The following SPATA22 variants were observed in gnomAD, a reference collection of about 807,000 sequenced individuals.
SPATA22 encodes the protein spermatogenesis associated 22.
In SPATA22, 29 loss-of-function variants were observed where a neutral mutation model predicts 47.8. The observed-to-expected ratio is 0.61, with a 90% CI of 0.45 to 0.83. The LOEUF (loss-of-function observed/expected upper bound fraction) is 0.83, where lower values mean the gene tolerates loss of function less well. SPATA22 is among the 40% of genes least tolerant of loss of function. The pLI, the probability that SPATA22 is intolerant of heterozygous loss-of-function variation, is 0.00. For missense variants in SPATA22, 410 were observed against 421.7 expected (o/e 0.97, Z 0.24); for synonymous variants, 133 against 140.9 (o/e 0.94, Z 0.40).
chr17:3,501,083 A>G (rs930108306), intron 1 of SPATA22: 2 of 152,192 alleles, frequency 1.3e-5, no homozygotes, highest in African/African-American at 4.8e-5. Context: ...GCCGAAGCCC[A>G]TGGATCAAGG....
chr17:3,459,651 G>A (rs865983034), intron 5 of SPATA22, among the ~76,000 whole-genome samples: 10 of 152,076 alleles, frequency 6.6e-5, no homozygotes, highest in Middle Eastern at 3.2e-3. Flanking sequence ...CAAGTGATCC[G>A]CCCGCCTCCG....
rs574538165 is a variant in SPATA22 at position 3,490,854 on chromosome 17, C to G, written c.-73-21456G>C. ...GTGGAGAAAAGCAGTTCCTGGAACA[C>G]CCCACCCCTTAACCCCTTATCTCTG... On this transcript the variant is annotated intron_variant, in intron 1 of 8. Transcript: ENST00000541913. The surrounding 1 kb of genome is among the most constrained non-coding windows in gnomAD (Gnocchi z 4.6). Among the ~76,000 whole-genome samples the G allele has an allele frequency of 5.3e-5, 8 of 152,242 alleles. No individual in the cohort carries two copies. The highest frequency in any genetic ancestry group is 1.2e-4 in the Non-Finnish European group (8 of 68,008).
chr17:3,470,413 C>G (rs539964229), intron 1 of SPATA22, among the ~76,000 whole-genome samples: 2 of 152,272 alleles, frequency 1.3e-5, no homozygotes, highest in South Asian at 4.1e-4. Context: ...TAATGCAAGT[C>G]AGGCCGAGGT....
At chr17:3,476,123 C>G (rs1456070872), upstream of SPATA22, 8 of 1,578,814 alleles carry the variant, frequency 5.1e-6, no homozygotes, top group African/African-American at 2.7e-5. Context: ...GATCTCTCTT[C>G]TGAATTGCAG....
chr17:3,512,620 G>A (rs1192610626), intron 1 of SPATA22: 2 of 151,968 alleles, frequency 1.3e-5, no homozygotes, highest in Non-Finnish European at 2.9e-5. Flanking sequence ...GCGGCAGAGT[G>A]GATTTTCTGG....
intron 1 of SPATA22, chr17:3,501,073 G>A (rs764139412): frequency 2.6e-5 from 4 of 152,180 alleles, no homozygotes; most frequent in Non-Finnish European, 5.9e-5. Context: ...ACGACATCCA[G>A]CCGAAGCCCA....
At chr17:3,474,569 A>C (rs1217014957), upstream of SPATA22, among the ~76,000 whole-genome samples, 2 of 152,354 alleles carry the variant, frequency 1.3e-5, no homozygotes, top group East Asian at 3.9e-4. Context: ...CAGACAGTCA[A>C]AGCCTACAGG....
chr17:3,487,935 A>C, intron 1 of SPATA22, among the ~76,000 whole-genome samples: 1 of 152,252 alleles, frequency 6.6e-6, no homozygotes. Context: ...ATTTATGCAC[A>C]GATGCATACC....
intron 5 of SPATA22, among the ~76,000 whole-genome samples, chr17:3,454,302 T>G (rs189885262): frequency 6.6e-6 from 1 of 151,182 alleles, no homozygotes. Flanking sequence ...TTATTTATTT[T>G]TATTATTATT....
upstream of SPATA22, among the ~76,000 whole-genome samples, chr17:3,473,352 G>A (rs1366206639): frequency 2.0e-5 from 3 of 152,104 alleles, no homozygotes. Context: ...GACATCTTAT[G>A]TATAATATTT....
chr17:3,464,369 G>A (rs1251042460), intron 3 of SPATA22, among the ~76,000 whole-genome samples: 4 of 151,068 alleles, frequency 2.6e-5, no homozygotes, highest in Non-Finnish European at 5.9e-5. Flanking sequence ...GCCTCCCAAA[G>A]TGCCCAGAGT....
intron 1 of SPATA22, among the ~76,000 whole-genome samples, chr17:3,494,687 G>A (rs1243173033): frequency 6.6e-6 from 1 of 152,126 alleles, no homozygotes; most frequent in Non-Finnish European, 1.5e-5. Flanking sequence ...ACGCTCAATG[G>A]AATTTATAGT....
intron 3 of SPATA22, among the ~76,000 whole-genome samples, chr17:3,464,463 C>T (rs2073223740): frequency 1.4e-5 from 2 of 139,640 alleles, no homozygotes; most frequent in Admixed American, 7.1e-5. Flanking sequence ...GTGAGGAGCC[C>T]CTCTGCCTGG....
In SPATA22 at chr17:3,513,015, A is replaced by C. The variant is rs7209047; in HGVS notation, c.-74+397T>G. The C allele has an allele frequency of 0.41, 62,845 of 151,954 alleles. 13,221 individuals carry two copies. Among genetic ancestry groups the C allele is most frequent in the African/African-American group, 0.47 (19,331 of 41,396 alleles). The allele number at this position is 151,954 out of a possible 1,614,324, so 9.4% of individuals were successfully genotyped here. The stretch of plus-strand genomic sequence containing the variant: ...GGTCAGGACGAGGAAAAGAGCCAGG[A>C]CCTTTCACCCAGATCGCGGCGGCCC... On this transcript the variant is annotated intron_variant, in intron 1 of 8. Coordinates refer to the SPATA22 transcript ENST00000541913.
chr17:3,481,959 G>C (rs1231492691), intron 1 of SPATA22, among the ~76,000 whole-genome samples: 1 of 152,044 alleles, frequency 6.6e-6, no homozygotes, highest in Non-Finnish European at 1.5e-5. Context: ...GGTGCTACCA[G>C]AACACAGAGG....
chr17:3,452,597 A>G (rs954510638), intron 5 of SPATA22, among the ~76,000 whole-genome samples: 2 of 152,076 alleles, frequency 1.3e-5, no homozygotes, highest in African/African-American at 4.8e-5. Context: ...CTCAAAAAGA[A>G]AAAAAAAGAA....
chr17:3,468,907 T>C (rs1008996892), intron 2 of SPATA22: 7 of 934,870 alleles, frequency 7.5e-6, no homozygotes, highest in Non-Finnish European at 9.0e-6. Context: ...ACTAATAAAT[T>C]GGGAAAGCAA....
chr17:3,445,543 T>C (rs1183641747), intron 7 of SPATA22, among the ~76,000 whole-genome samples: 1 of 152,148 alleles, frequency 6.6e-6, no homozygotes, highest in Admixed American at 6.6e-5. Context: ...CATGGACTTC[T>C]GATCTACAAA....
At chr17:3,466,250 AT>A (rs2150730819) in intron 3 of SPATA22, among the ~76,000 whole-genome samples, 1 of 151,492 alleles carries the variant, frequency 6.6e-6, no homozygotes, top group African/African-American at 2.4e-5. Flanking sequence ...GATCCTATTA[AT>A]TTTTAAAATG....
Sources: allele counts gnomAD v4.1 joint callset (sites outside exome capture counted in the v4.1 genomes callset), GRCh38; gene constraint gnomAD v4.1.1; non-coding constraint Gnocchi (gnomAD v3.1); transcripts MANE v1.5; gene names NCBI Gene and HGNC (gene_info 2026-07-23, HGNC 2026-07-21).